Variants in PHLPP1 observed in about 807,000 individuals in gnomAD.
PHLPP1 encodes PH domain leucine-rich repeat-containing protein phosphatase 1.
A neutral mutation model predicts 117.2 loss-of-function variants in PHLPP1; 42 were observed. The observed-to-expected ratio is 0.36, with a 90% CI of 0.28 to 0.46. The LOEUF is 0.46. PHLPP1 is among the 20% of genes least tolerant of loss of function. The pLI, the probability that PHLPP1 is intolerant of heterozygous loss-of-function variation, is 1.00. For synonymous variants in PHLPP1, 1,042 were observed against 970.7 expected, an observed-to-expected ratio of 1.07 and a Z score of -1.37; for missense variants, 2,084 against 2,241.9, an observed-to-expected ratio of 0.93 and a Z score of 1.42.
Position 62,915,025 on chromosome 18 carries a change from A to C in PHLPP1, c.2804+17A>C. The C allele has an allele frequency of 6.5e-7, 1 of 1,532,750 alleles. No homozygotes were observed. Among genetic ancestry groups the C allele is most frequent in the Non-Finnish European group, 9.0e-7 (1 of 1,112,870 alleles). The allele number at this position is 1,532,750 out of a possible 1,614,324, so 94.9% of individuals were successfully genotyped here. A position where few individuals can be genotyped will look rare whatever the true frequency, so the allele number is the denominator to read the frequency against. ...TCCTGCCCGGTGAGTATTACAGATC[A>C]AATGAGAGGATCTCACAATAAATGA... On this transcript the variant is annotated intron_variant, in intron 9 of 16. Coordinates refer to ENST00000262719, the MANE Select transcript of PHLPP1 (RefSeq NM_194449.4).
At chr18:62,797,246 T>C (rs945352505) in intron 1 of PHLPP1, among the ~76,000 whole-genome samples, 2 of 152,208 alleles carry the variant, frequency 1.3e-5, no homozygotes, top group Non-Finnish European at 2.9e-5. Context: ...TACCATAATA[T>C]ATCGTAAATA....
At chr18:62,756,853 G>A (rs867682257) in intron 1 of PHLPP1, among the ~76,000 whole-genome samples, 32 of 152,282 alleles carry the variant, frequency 2.1e-4, no homozygotes, top group African/African-American at 7.7e-4. Flanking sequence ...TGAAGCACAT[G>A]GCTATTTGCA....
At chr18:62,932,806 G>C (rs1308244385) in intron 10 of PHLPP1, among the ~76,000 whole-genome samples, 26 of 152,214 alleles carry the variant, frequency 1.7e-4, no homozygotes, top group Non-Finnish European at 1.8e-4. Flanking sequence ...ATCCAAATAG[G>C]AAAAGAGGAA....
At chr18:62,735,390 G>T (rs539252631) in intron 1 of PHLPP1, among the ~76,000 whole-genome samples, 2 of 152,180 alleles carry the variant, frequency 1.3e-5, no homozygotes, top group South Asian at 4.2e-4. Context: ...GGCCGAGGAT[G>T]TCATTCTTAA....
At chr18:62,740,835 G>A (rs950500807) in intron 1 of PHLPP1, among the ~76,000 whole-genome samples, 1 of 152,140 alleles carries the variant, frequency 6.6e-6, no homozygotes, top group African/African-American at 2.4e-5. Context: ...AGCCAGGCGT[G>A]GTGGTGCACA....
chr18:62,969,639 A>G (rs1197084753), intron 14 of PHLPP1, among the ~76,000 whole-genome samples: 5 of 152,172 alleles, frequency 3.3e-5, no homozygotes, highest in Admixed American at 6.5e-5. Context: ...TTTTTGCTTC[A>G]TACATCTTGA....
In PHLPP1 at chr18:62,715,802, C is replaced by T; in HGVS notation, c.119C>T (p.Ala40Val). The T allele has an allele frequency of 1.2e-6, 1 of 823,584 alleles. No homozygotes were observed. Among genetic ancestry groups the T allele is most frequent in the Non-Finnish European group, 1.5e-6 (1 of 671,488 alleles). The allele number at this position is 823,584 out of a possible 1,614,324, so 51.0% of individuals were successfully genotyped here. The part of the protein sequence containing the change: ...AAAAAAAAAA[A>V]LAAAAGGGRS... ...GCAGCAGCAGCGGCGGCCGCGGCGGCTCTGGCGGCGGCGGCCGGGGGCGGC... is the reference window on the plus strand; with the variant it reads ...GCAGCAGCAGCGGCGGCCGCGGCGGTTCTGGCGGCGGCGGCCGGGGGCGGC... Residue 40 changes from alanine (A) to valine (V), a missense_variant, in exon 1 of 17, where the codon GCT (alanine) becomes GTT (valine). Around this residue, in one of 2 missense-constraint regions of PHLPP1, gnomAD observed 719 missense variants for 636.0 expected, o/e 1.13. Transcript: ENST00000262719.
At chr18:62,724,624 T>C (rs1416749221) in intron 1 of PHLPP1, among the ~76,000 whole-genome samples, 1 of 152,234 alleles carries the variant, frequency 6.6e-6, no homozygotes, top group Non-Finnish European at 1.5e-5. Context: ...GAATGTGTAA[T>C]ACTTACTGTC....
chr18:62,894,021 G>A (rs1035250839), intron 4 of PHLPP1, among the ~76,000 whole-genome samples: 2 of 152,142 alleles, frequency 1.3e-5, no homozygotes, highest in African/African-American at 4.8e-5. Context: ...GGAAAACAGT[G>A]TAGAGAGAGC....
chr18:62,885,139 A>G (rs959457265), intron 4 of PHLPP1, among the ~76,000 whole-genome samples: 1 of 152,260 alleles, frequency 6.6e-6, no homozygotes, highest in Non-Finnish European at 1.5e-5. Context: ...AGCACATCTT[A>G]TGACAAAACA....
chr18:62,827,769 T>TGAAGAG (rs1464516171), intron 1 of PHLPP1, among the ~76,000 whole-genome samples: 12 of 152,224 alleles, frequency 7.9e-5, no homozygotes, highest in African/African-American at 2.9e-4. Context: ...TACTGATGTA[T>TGAAGAG]CCATACTCTT....
chr18:62,898,965 AT>A (rs1171458456), intron 6 of PHLPP1, among the ~76,000 whole-genome samples: 1 of 151,758 alleles, frequency 6.6e-6, no homozygotes, highest in African/African-American at 2.4e-5. Flanking sequence ...TGACCGGCTA[AT>A]TTTTTGTATT....
chr18:62,877,243 C>T (rs544008036), intron 4 of PHLPP1, among the ~76,000 whole-genome samples: 32 of 152,226 alleles, frequency 2.1e-4, no homozygotes, highest in African/African-American at 7.7e-4. Flanking sequence ...GCCCACATTT[C>T]CAGGTTTTAT....
At chr18:62,956,414 C>A (rs1215663974) in intron 12 of PHLPP1, among the ~76,000 whole-genome samples, 1 of 152,104 alleles carries the variant, frequency 6.6e-6, no homozygotes, top group African/African-American at 2.4e-5. Flanking sequence ...TCCCAAAGGC[C>A]CCACTTCTTA....
intron 1 of PHLPP1, among the ~76,000 whole-genome samples, chr18:62,786,414 CATT>C (rs1913286937): frequency 6.6e-6 from 1 of 152,102 alleles, no homozygotes. Context: ...CCTTAACTAT[CATT>C]ATTACTTTTG....
intron 4 of PHLPP1, among the ~76,000 whole-genome samples, chr18:62,875,637 A>G (rs1218025664): frequency 1.3e-5 from 2 of 152,068 alleles, no homozygotes; most frequent in Non-Finnish European, 2.9e-5. Context: ...ATGGTGGGGG[A>G]AGTGCCTTTA....
At chr18:62,952,111 C>T (rs1432029047) in intron 12 of PHLPP1, among the ~76,000 whole-genome samples, 1 of 151,964 alleles carries the variant, frequency 6.6e-6, no homozygotes, top group Non-Finnish European at 1.5e-5. Flanking sequence ...AGCCACCGCG[C>T]CCGGCCATAA....
chr18:62,882,885 G>A (rs1048991981), intron 4 of PHLPP1, among the ~76,000 whole-genome samples: 23 of 150,158 alleles, frequency 1.5e-4, no homozygotes, highest in African/African-American at 5.1e-4. Context: ...AAATTGAATG[G>A]ATAAGGTTGA....
intron 6 of PHLPP1, among the ~76,000 whole-genome samples, chr18:62,900,764 A>G (rs892352196): frequency 6.6e-6 from 1 of 152,104 alleles, no homozygotes; most frequent in Admixed American, 6.5e-5. Context: ...AATATATTGT[A>G]TTCTTGAACA....
Sources: gnomAD v4.1 joint callset for allele counts (sites outside exome capture counted in the v4.1 genomes callset) on GRCh38, gnomAD v4.1.1 for gene constraint, gnomAD v4.1.1 regional missense constraint, MANE v1.5 for transcripts, NCBI Gene and HGNC (gene_info 2026-07-23, HGNC 2026-07-21) for gene names.